The following SPRR2B variants were observed in gnomAD, a reference collection of about 807,000 sequenced individuals.
SPRR2B encodes small proline-rich protein 2B.
A neutral mutation model predicts 1.0 loss-of-function variants in SPRR2B; 1 was observed. The observed-to-expected ratio is 1.01, with a 90% CI of 0.36 to 4.77. The LOEUF (loss-of-function observed/expected upper bound fraction) is 4.77. SPRR2B is among the 30% of genes most tolerant of loss of function. The pLI, the probability that SPRR2B is intolerant of heterozygous loss-of-function variation, is 0.16. For missense variants in SPRR2B, 53 were observed against 88.7 expected, an observed-to-expected ratio of 0.60 and a Z score of 1.62; for synonymous variants, 27 against 33.4, an observed-to-expected ratio of 0.81 and a Z score of 0.66.
At chr1:153,075,994 G>A (rs145086554), upstream of SPRR2B, among the ~76,000 whole-genome samples, 123 of 152,194 alleles carry the variant, frequency 8.1e-4, 1 homozygote, top group Middle Eastern at 3.4e-3. Context: ...ACAATAAATA[G>A]CAATATGTTG....
At chr1:153,081,809 C>G in the SPRR2B span, among the ~76,000 whole-genome samples, 4 of 145,952 alleles carry the variant, frequency 2.7e-5, no homozygotes, top group Non-Finnish European at 4.4e-5. Flanking sequence ...AGTCAATTTT[C>G]CTTTTCTTTT....
At chr1:153,085,759 T>A in the SPRR2B span, among the ~76,000 whole-genome samples, 1 of 152,066 alleles carries the variant, frequency 6.6e-6, no homozygotes, top group African/African-American at 2.4e-5. Context: ...AATGAAAGAA[T>A]AAATGCTAAA....
the SPRR2B span, among the ~76,000 whole-genome samples, chr1:153,077,549 T>C: frequency 6.6e-6 from 1 of 152,070 alleles, no homozygotes; most frequent in South Asian, 2.1e-4. Flanking sequence ...ACTCACGATG[T>C]ATAGAGATGT....
At chr1:153,079,215 T>G in the SPRR2B span, among the ~76,000 whole-genome samples, 7 of 149,788 alleles carry the variant, frequency 4.7e-5, no homozygotes, top group Middle Eastern at 3.4e-3. Context: ...GGGTTGTTTG[T>G]TTTTTTTTCT....
At chr1:153,082,126 C>G in the SPRR2B span, among the ~76,000 whole-genome samples, 15 of 152,264 alleles carry the variant, frequency 9.9e-5, 1 homozygote, top group East Asian at 2.7e-3. Context: ...GGATACTATA[C>G]ATAATCCCCG....
chr1:153,075,220 G>A (rs983018479), upstream of SPRR2B, among the ~76,000 whole-genome samples: 2 of 152,034 alleles, frequency 1.3e-5, no homozygotes, highest in East Asian at 1.9e-4. Context: ...GCAGGGGCCT[G>A]TAATCCCAGC....
chr1:153,085,464 G>A, the SPRR2B span, among the ~76,000 whole-genome samples: 195 of 152,194 alleles, frequency 1.3e-3, 5 homozygotes, highest in East Asian at 0.036. Context: ...AAATAAGACA[G>A]CCAGACAAGA....
At chr1:153,073,482 C>T (rs904336159), upstream of SPRR2B, among the ~76,000 whole-genome samples, 2 of 152,168 alleles carry the variant, frequency 1.3e-5, no homozygotes, top group Non-Finnish European at 2.9e-5. Flanking sequence ...GGCTGTTTAT[C>T]ACAGCAGTGC....
the SPRR2B span, among the ~76,000 whole-genome samples, chr1:153,078,843 T>G: frequency 6.6e-6 from 1 of 152,344 alleles, no homozygotes; most frequent in African/African-American, 2.4e-5. Context: ...TTTGTCTTTA[T>G]AGCAGCATGA....
upstream of SPRR2B, among the ~76,000 whole-genome samples, chr1:153,074,492 A>C (rs531851842): frequency 2.6e-5 from 4 of 152,350 alleles, no homozygotes; most frequent in South Asian, 8.3e-4. Context: ...TTGTCCTTCC[A>C]TGCTGAATCC....
chr1:153,078,484 G>A, the SPRR2B span, among the ~76,000 whole-genome samples: 3 of 152,138 alleles, frequency 2.0e-5, no homozygotes, highest in Admixed American at 2.0e-4. Context: ...TTTAACATTA[G>A]GTATATCTCC....
At chr1:153,087,436 C>T in the SPRR2B span, among the ~76,000 whole-genome samples, 1 of 152,070 alleles carries the variant, frequency 6.6e-6, no homozygotes, top group East Asian at 1.9e-4. Flanking sequence ...ACACAAAAAA[C>T]CATTCAAAAG....
At chr1:153,079,344 G>C in the SPRR2B span, among the ~76,000 whole-genome samples, 1 of 152,048 alleles carries the variant, frequency 6.6e-6, no homozygotes, top group Admixed American at 6.5e-5. Context: ...AGATTCTTTT[G>C]CTGTGCAGAA....
the SPRR2B span, among the ~76,000 whole-genome samples, chr1:153,082,756 GA>G: frequency 2.0e-3 from 295 of 146,038 alleles, 6 homozygotes; most frequent in East Asian, 0.04. Context: ...CATTTTTAAT[GA>G]AAAAAAAAAG....
chr1:153,074,747 C>G (rs1266474598), upstream of SPRR2B, among the ~76,000 whole-genome samples: 1 of 152,164 alleles, frequency 6.6e-6, no homozygotes, highest in African/African-American at 2.4e-5. Context: ...AAAGTATTCT[C>G]CAAATGTTAC....
chr1:153,084,681 T>C, the SPRR2B span, among the ~76,000 whole-genome samples: 3 of 152,006 alleles, frequency 2.0e-5, no homozygotes, highest in Non-Finnish European at 4.4e-5. Flanking sequence ...AGCCCAATAG[T>C]ATGCACCCTG....
chr1:153,072,889 A>G (rs1424095187), upstream of SPRR2B, among the ~76,000 whole-genome samples: 1 of 152,242 alleles, frequency 6.6e-6, no homozygotes, highest in Non-Finnish European at 1.5e-5. Flanking sequence ...TATATTAAAC[A>G]CTTAAAATAC....
At chr1:153,072,798 C>G (rs1406829592), upstream of SPRR2B, among the ~76,000 whole-genome samples, 1 of 152,136 alleles carries the variant, frequency 6.6e-6, no homozygotes, top group African/African-American at 2.4e-5. Context: ...ATTGTTCACT[C>G]GATACGTATG....
At chr1:153,084,504 C>T in the SPRR2B span, among the ~76,000 whole-genome samples, 5 of 152,302 alleles carry the variant, frequency 3.3e-5, no homozygotes, top group African/African-American at 9.6e-5. Context: ...AAAGCACACA[C>T]ACCTGCACCC....
Sources: allele counts gnomAD v4.1 joint callset (sites outside exome capture counted in the v4.1 genomes callset), GRCh38; gene constraint gnomAD v4.1.1; transcripts MANE v1.5; gene names NCBI Gene and HGNC (gene_info 2026-07-23, HGNC 2026-07-21).